The following TMEM131 variants were observed in gnomAD, a reference collection of about 807,000 sequenced individuals.
The protein encoded by TMEM131 is 2610524E03Rik.
A neutral mutation model predicts 211.6 loss-of-function variants in TMEM131; 66 were observed. The ratio of observed to expected loss-of-function variants is 0.31; its 90% CI spans 0.26 to 0.38. The LOEUF (loss-of-function observed/expected upper bound fraction) is 0.38, where lower values mean the gene tolerates loss of function less well. TMEM131 is among the 10% of genes least tolerant of loss of function. The pLI is 1.00. For synonymous variants in TMEM131, 844 were observed against 841.3 expected (o/e 1.00, Z -0.06); for missense variants, 2,036 against 2,299.3 (o/e 0.89, Z 2.34).
At chr2:97,805,915 A>C (rs907288464) in intron 19 of TMEM131, among the ~76,000 whole-genome samples, 4 of 152,226 alleles carry the variant, frequency 2.6e-5, no homozygotes, top group Non-Finnish European at 1.5e-5. Context: ...TTACAGAAAA[A>C]TCAGGAGGAC....
At chr2:97,817,509 G>A (rs1160412479) in intron 12 of TMEM131, among the ~76,000 whole-genome samples, 1 of 152,206 alleles carries the variant, frequency 6.6e-6, no homozygotes, top group East Asian at 1.9e-4. Flanking sequence ...CATGAATGTG[G>A]TCTCTCAGCA....
chr2:97,978,717 C>T (rs1428726293), intron 1 of TMEM131, among the ~76,000 whole-genome samples: 5 of 152,232 alleles, frequency 3.3e-5, no homozygotes, highest in Non-Finnish European at 7.3e-5. Flanking sequence ...TATCTGCAGT[C>T]ACTTCCTCTA....
chr2:97,818,913 T>A (rs767176606), intron 11 of TMEM131, among the ~76,000 whole-genome samples, 192 bp from the exon 12 acceptor site: 4 of 152,208 alleles, frequency 2.6e-5, no homozygotes, highest in Non-Finnish European at 5.9e-5. Context: ...AATATCTTTA[T>A]AAAAGAAAAT....
intron 1 of TMEM131, among the ~76,000 whole-genome samples, chr2:97,968,761 G>A (rs1450262645): frequency 6.6e-6 from 1 of 152,100 alleles, no homozygotes; most frequent in African/African-American, 2.4e-5. Context: ...ATTTGAACCA[G>A]TTTGCTAAGG....
intron 4 of TMEM131, among the ~76,000 whole-genome samples, chr2:97,868,617 T>C (rs1674366978): frequency 6.6e-6 from 1 of 152,150 alleles, no homozygotes. Context: ...CCAAAAATCA[T>C]TCTGTGGCTG....
intron 10 of TMEM131, 53 bp downstream of exon 10, chr2:97,834,567 AG>A: frequency 7.7e-7 from 1 of 1,303,346 alleles, no homozygotes. Flanking sequence ...CACTGAATAC[AG>A]GGGTTAAAAA....
chr2:97,952,894 A>G (rs936539981), intron 1 of TMEM131, among the ~76,000 whole-genome samples: 2 of 152,182 alleles, frequency 1.3e-5, no homozygotes, highest in Non-Finnish European at 2.9e-5. Context: ...TAAAACAAAA[A>G]CAAAACAAAC....
Position 97,766,053 on chromosome 2 carries a change from C to T in TMEM131, c.4723+61G>A, listed in dbSNP as rs1679147022. On this transcript the variant is annotated intron_variant, in intron 35 of 40. Transcript: ENST00000186436. ...CAACATGCCCCTGAAGAGTTCCATG[C>T]CCAGAGTGGGGTGGATTGTGGGTAA... is the stretch of plus-strand genomic sequence containing the variant. 3.1e-6 allele frequency: 5 copies of T among 1,594,690 alleles called. No homozygotes were observed. The Admixed American group carries it at 6.9e-5, about 22-fold the overall frequency.
intron 24 of TMEM131, 119 bp from the exon 25 acceptor site, chr2:97,802,080 AAT>A (rs1374019749): frequency 4.8e-6 from 3 of 621,392 alleles, no homozygotes; most frequent in Non-Finnish European, 8.0e-6. Flanking sequence ...TTTTGAGATC[AAT>A]ATGACCAGAT....
Position 97,995,462 on chromosome 2 carries a change from C to A in TMEM131, c.187+14G>T, listed in dbSNP as rs767636687. 4.0e-4 allele frequency: 553 copies of A among 1,381,254 alleles called. 5 individuals carry two copies. Among genetic ancestry groups the A allele is most frequent in the Middle Eastern group, 2.6e-4 (1 of 3,790 alleles). The allele number at this position is 1,381,254 out of a possible 1,614,324, so 85.6% of individuals were successfully genotyped here. ...GACAGCCCCGCCGCAGGGACGCCGC[C>A]GGGGGACACCCACCTTCCTTCTCGG... On this transcript the variant is annotated intron_variant, in intron 1 of 40. Coordinates refer to ENST00000186436, the MANE Select transcript of TMEM131 (RefSeq NM_015348.2).
In TMEM131 at chr2:97,841,910, A is replaced by G; in HGVS notation, c.628T>C (p.Tyr210His). 6.3e-7 allele frequency: 1 copy of G among 1,586,492 alleles called. No individual in the cohort carries two copies. Reference sequence around the variant, plus strand: ...GCCCCAAGGAACGGCCTCAATCGATATGGATTTGGAACTCCAACACCAAAT... The same window carrying G: ...GCCCCAAGGAACGGCCTCAATCGATGTGGATTTGGAACTCCAACACCAAAT... Reference protein sequence around the residue: ...QVFGVGVPNPYRLRPFLGARV... With the variant: ...QVFGVGVPNPHRLRPFLGARV... The change falls in exon 7 of 41, where the codon TAT becomes CAT. Residue 210 changes from tyrosine (Y) to histidine (H), a missense_variant. Tyr to His is a moderately conservative substitution (Grantham distance 83). This residue lies in a region of TMEM131 where 277 missense variants were observed against 378.0 expected (regional missense o/e 0.73). Coordinates refer to ENST00000186436, the MANE Select transcript of TMEM131 (RefSeq NM_015348.2).
chr2:97,934,893 T>G (rs568015007), intron 1 of TMEM131, among the ~76,000 whole-genome samples: 11 of 152,172 alleles, frequency 7.2e-5, no homozygotes, highest in Middle Eastern at 3.4e-3. Context: ...GCTCTAAATT[T>G]AAAATGTAAA....
At chr2:97,915,347 G>A (rs1676465554) in intron 2 of TMEM131, among the ~76,000 whole-genome samples, 1 of 152,128 alleles carries the variant, frequency 6.6e-6, no homozygotes, top group South Asian at 2.1e-4. Context: ...TGTGAGACCA[G>A]TCTGGCTCTG....
intron 1 of TMEM131, among the ~76,000 whole-genome samples, chr2:97,992,193 A>T (rs1680297390): frequency 6.6e-6 from 1 of 152,260 alleles, no homozygotes; most frequent in Admixed American, 6.5e-5. Context: ...AGTAATAAGT[A>T]GGTTAAAAAT....
At chr2:97,986,089 A>G (rs1216594589) in intron 1 of TMEM131, among the ~76,000 whole-genome samples, 1 of 152,248 alleles carries the variant, frequency 6.6e-6, no homozygotes, top group East Asian at 1.9e-4. Context: ...ATCAATGGGA[A>G]AACTGACAAA....
At chr2:97,818,263 CT>C (rs1287388475) in intron 12 of TMEM131, among the ~76,000 whole-genome samples, 4 of 152,122 alleles carry the variant, frequency 2.6e-5, no homozygotes. Context: ...TGTTTCAGAA[CT>C]TCAAATATAT....
At chr2:97,815,374 T>A in intron 12 of TMEM131, 67 bp from the exon 13 acceptor site, 1 of 1,019,716 alleles carries the variant, frequency 9.8e-7, no homozygotes, top group Non-Finnish European at 1.4e-6. Flanking sequence ...TGAATTTATG[T>A]AAATTGACAA....
At position 97,995,700 on chromosome 2, in the gene TMEM131, G is replaced by A. The variant is rs1680480554; in HGVS notation, c.-38C>T. The A allele has an allele frequency of 8.5e-7, 1 of 1,182,440 alleles. No individual in the cohort carries two copies. Among genetic ancestry groups the A allele is most frequent in the Admixed American group, 4.5e-5 (1 of 22,040 alleles). The allele number at this position is 1,182,440 out of a possible 1,614,324, so 73.2% of individuals were successfully genotyped here. On this transcript the variant is annotated 5_prime_UTR_variant, in exon 1 of 41. Coordinates refer to ENST00000186436, the MANE Select transcript of TMEM131 (RefSeq NM_015348.2). ...GGGGCCGCCGCGCTCGAGGTCCGGC[G>A]CGGCCCTTCTCGGCGAGGCGGCGGC...
At chr2:97,948,659 T>TA (rs990477893) in intron 1 of TMEM131, among the ~76,000 whole-genome samples, 9 of 151,850 alleles carry the variant, frequency 5.9e-5, no homozygotes, top group African/African-American at 1.7e-4. Context: ...TTTCTTTTTT[T>TA]TTTATTTATT....
Sources: allele counts gnomAD v4.1 joint callset (sites outside exome capture counted in the v4.1 genomes callset), GRCh38; gene constraint gnomAD v4.1.1; regional missense constraint gnomAD v4.1.1; transcripts MANE v1.5; gene names NCBI Gene and HGNC (gene_info 2026-07-23, HGNC 2026-07-21).